Variants in ULK4 observed in about 807,000 individuals in gnomAD.
The protein encoded by ULK4 is inactive serine/threonine-protein kinase ULK4.
Under a neutral mutation model 160.6 loss-of-function variants are expected in ULK4, and 133 were observed. The ratio of observed to expected loss-of-function variants is 0.83; its 90% CI spans 0.72 to 0.96. The LOEUF (loss-of-function observed/expected upper bound fraction) is 0.96. Among genes scored for constraint, ULK4 ranks in the 40% least tolerant of loss-of-function variants. The pLI, the probability that ULK4 is intolerant of heterozygous loss-of-function variation, is 0.00. For missense variants in ULK4, 1,580 were observed against 1,499.5 expected (o/e 1.05, Z -0.89); for synonymous variants, 534 against 539.8 (o/e 0.99, Z 0.15).
intron 31 of ULK4, among the ~76,000 whole-genome samples, chr3:41,571,785 T>C (rs1204805672): frequency 1.3e-5 from 2 of 152,100 alleles, no homozygotes; most frequent in Non-Finnish European, 2.9e-5. Flanking sequence ...GGGGATTAGG[T>C]AAAATCTTGA....
At chr3:41,625,061 G>A (rs895998005) in intron 30 of ULK4, among the ~76,000 whole-genome samples, 8 of 152,120 alleles carry the variant, frequency 5.3e-5, no homozygotes, top group African/African-American at 9.7e-5. Context: ...GAAGAAGGGT[G>A]GCTGCAAACA....
chr3:41,725,826 C>A (rs2037629456), intron 22 of ULK4, among the ~76,000 whole-genome samples: 1 of 152,158 alleles, frequency 6.6e-6, no homozygotes, highest in Admixed American at 6.5e-5. Context: ...CTTCTTCAGA[C>A]AGGATTTGCA....
intron 33 of ULK4, among the ~76,000 whole-genome samples, chr3:41,458,190 G>A (rs2083599034): frequency 6.6e-6 from 1 of 152,074 alleles, no homozygotes. Flanking sequence ...GGATTTCAAA[G>A]AAGAACTTTA....
intron 20 of ULK4, among the ~76,000 whole-genome samples, chr3:41,798,537 C>G (rs1287374600): frequency 6.6e-6 from 1 of 152,068 alleles, no homozygotes; most frequent in African/African-American, 2.4e-5. Flanking sequence ...GGTAACATAA[C>G]TGAAAAATTT....
intron 17 of ULK4, among the ~76,000 whole-genome samples, chr3:41,838,237 T>C (rs1210382854): frequency 6.6e-6 from 1 of 152,126 alleles, no homozygotes; most frequent in Non-Finnish European, 1.5e-5. Flanking sequence ...GTAAATACAA[T>C]AGGATTTCTT....
rs71288052 is a variant in ULK4, at chr3:41,858,147, G to GTTT, written c.1657-22179_1657-22177dup. 3.2e-3 allele frequency among the ~76,000 whole-genome samples: 292 copies of GTTT among 92,070 alleles called. 7 individuals carry two copies. The highest frequency in any genetic ancestry group is 7.1e-3 in the East Asian group (18 of 2,520). 60.4% of individuals were successfully genotyped at this position (92,070 alleles called of 152,430 possible). On this transcript the variant is annotated intron_variant, in intron 17 of 36. Coordinates refer to ENST00000301831, the MANE Select transcript of ULK4 (RefSeq NM_017886.4). The stretch of plus-strand genomic sequence containing the variant: ...GTATCCCATAGGGTTTTTTTTGTTT[G>GTTT]TTTTTTTTTTTTTTTTTTTTTTTGG...
chr3:41,790,672 C>T (rs2040123878), intron 20 of ULK4, among the ~76,000 whole-genome samples: 1 of 152,178 alleles, frequency 6.6e-6, no homozygotes, highest in African/African-American at 2.4e-5. Context: ...CGTAAGCTGT[C>T]TGATGCAATT....
chr3:41,365,648 G>C (rs1467704118), intron 35 of ULK4, among the ~76,000 whole-genome samples: 1 of 152,120 alleles, frequency 6.6e-6, no homozygotes, highest in African/African-American at 2.4e-5. Context: ...GAGACTCAGT[G>C]AAGATAGGTT....
rs144696507 is a variant in ULK4 at position 41,657,649 on chromosome 3, C to G, written c.3071+5958G>C. ...CCTGGCCAAGATGGTGAAACCCCAT[C>G]TCTACTAAAAATACAAAAATTACCA... On this transcript the variant is annotated intron_variant, in intron 30 of 36. Transcript: ENST00000301831. 1.5e-3 allele frequency among the ~76,000 whole-genome samples: 230 copies of G among 151,836 alleles called. 2 individuals are homozygous for G. The highest frequency in any genetic ancestry group is 5.4e-3 in the African/African-American group (223 of 41,294).
intron 34 of ULK4, among the ~76,000 whole-genome samples, chr3:41,431,355 A>AAATAAT (rs57010705): frequency 0.013 from 1,779 of 139,094 alleles, 13 homozygotes; most frequent in East Asian, 0.016. Flanking sequence ...ACACACACAC[A>AAATAAT]AATAATAATA....
intron 32 of ULK4, among the ~76,000 whole-genome samples, chr3:41,530,401 C>G (rs77878443): frequency 0.01 from 1,580 of 152,198 alleles, 21 homozygotes; most frequent in Middle Eastern, 0.034. Flanking sequence ...GCACTGGGCC[C>G]TTATGTCATG....
intron 30 of ULK4, among the ~76,000 whole-genome samples, chr3:41,638,538 A>G (rs1559450613): frequency 6.6e-6 from 1 of 152,230 alleles, no homozygotes; most frequent in Non-Finnish European, 1.5e-5. Flanking sequence ...GTAATATGCT[A>G]TGGCAAAGAA....
At position 41,431,547 on chromosome 3, in the gene ULK4, C is replaced by CT. The variant is rs1553664758; in HGVS notation, c.3492+23949dup. 8.6e-3 allele frequency among the ~76,000 whole-genome samples: 822 copies of CT among 95,896 alleles called. 50 individuals are homozygous for CT. The highest frequency in any genetic ancestry group is 0.062 in the East Asian group (140 of 2,256). The allele number at this position is 95,896 out of a possible 152,430, so 62.9% of individuals were successfully genotyped here. A position where few individuals can be genotyped will look rare whatever the true frequency, so the allele number is the denominator to read the frequency against. ...CCTGTGAGGTGTTGTAATTCCCTCC[C>CT]TTTTTTTTTTTTTTTGATGTGGAAA... On this transcript the variant is annotated intron_variant, in intron 34 of 36. Coordinates refer to ENST00000301831, the MANE Select transcript of ULK4 (RefSeq NM_017886.4).
chr3:41,265,893 G>C (rs961101336), intron 35 of ULK4, among the ~76,000 whole-genome samples: 2 of 152,168 alleles, frequency 1.3e-5, no homozygotes, highest in Non-Finnish European at 2.9e-5. Context: ...CAGCTTGGTG[G>C]TGACAAGTAG....
chr3:41,947,128 C>G (rs1700134687), intron 2 of ULK4, among the ~76,000 whole-genome samples: 4 of 152,238 alleles, frequency 2.6e-5, no homozygotes, highest in Admixed American at 1.3e-4. Flanking sequence ...GAGATCGAGA[C>G]CATCCTGGCT....
intron 8 of ULK4, among the ~76,000 whole-genome samples, chr3:41,915,146 A>G (rs1412751126): frequency 6.6e-6 from 1 of 152,220 alleles, no homozygotes; most frequent in African/African-American, 2.4e-5. Flanking sequence ...TAAATTAGGT[A>G]TAGTTACATC....
intron 21 of ULK4, among the ~76,000 whole-genome samples, chr3:41,763,812 T>G (rs530310784): frequency 6.6e-6 from 1 of 152,372 alleles, no homozygotes; most frequent in South Asian, 2.1e-4. Flanking sequence ...CAATTTACTG[T>G]CCATCAATAT....
intron 21 of ULK4, among the ~76,000 whole-genome samples, chr3:41,772,259 A>C (rs1042963130): frequency 2.0e-5 from 3 of 152,008 alleles, no homozygotes; most frequent in Admixed American, 1.3e-4. Context: ...AAAACCCTTC[A>C]AAAAAATCAA....
In ULK4 at chr3:41,898,512, A is replaced by C. The variant is rs1698245078; in HGVS notation, c.1288-20T>G. 6.6e-7 allele frequency: 1 copy of C among 1,512,402 alleles called. No individual in the cohort carries two copies. The highest frequency in any genetic ancestry group is 1.2e-5 in the South Asian group (1 of 84,068). 93.7% of individuals were successfully genotyped at this position (1,512,402 alleles called of 1,614,324 possible). Reference sequence around the variant, plus strand: ...CATTATCTGTGGTTTAAAAAAAAAGAAAGCTTTTGAGACAATTTTTAAGAT... The same window carrying C: ...CATTATCTGTGGTTTAAAAAAAAAGCAAGCTTTTGAGACAATTTTTAAGAT... On this transcript the variant is annotated intron_variant, in intron 13 of 36. Coordinates refer to ENST00000301831, the MANE Select transcript of ULK4 (RefSeq NM_017886.4).
Sources: gnomAD v4.1 joint callset for allele counts (sites outside exome capture counted in the v4.1 genomes callset) on GRCh38, gnomAD v4.1.1 for gene constraint, MANE v1.5 for transcripts, NCBI Gene and HGNC (gene_info 2026-07-23, HGNC 2026-07-21) for gene names.